Variants in CCDC171 observed in about 807,000 individuals in gnomAD.
The protein encoded by CCDC171 is coiled-coil domain-containing protein 171.
A neutral mutation model predicts 168.2 loss-of-function variants in CCDC171; 177 were observed. The ratio of observed to expected loss-of-function variants is 1.05; its 90% CI spans 0.93 to 1.19. The LOEUF is 1.19. Among genes scored for constraint, CCDC171 ranks in the 50% most tolerant of loss-of-function variants. The pLI is 0.00. For synonymous variants in CCDC171, 687 were observed against 540.8 expected (o/e 1.27, Z -3.75); for missense variants, 1,991 against 1,539.0 (o/e 1.29, Z -4.91).
intron 21 of CCDC171, among the ~76,000 whole-genome samples, chr9:15,800,472 C>T (rs374204310): frequency 2.2e-4 from 34 of 151,832 alleles, no homozygotes; most frequent in African/African-American, 8.0e-4. Context: ...GATTTTTTTC[C>T]TATAGAGTTG....
At chr9:15,902,417 T>C (rs1391705357) in intron 24 of CCDC171, among the ~76,000 whole-genome samples, 4 of 152,210 alleles carry the variant, frequency 2.6e-5, no homozygotes, top group Admixed American at 2.6e-4. Context: ...TTCAGGGAAG[T>C]TGGAAATTTT....
chr9:16,072,954 A>G, the CCDC171 span, among the ~76,000 whole-genome samples: 1 of 152,218 alleles, frequency 6.6e-6, no homozygotes, highest in South Asian at 2.1e-4. Flanking sequence ...TAATTAGTGG[A>G]CAAATAAGAG....
rs112972342 is a variant in CCDC171, at chr9:15,633,398, T to G, written c.822+9985T>G. Among the ~76,000 whole-genome samples, 5 of 152,330 alleles carry G rather than the reference T, an allele frequency of 3.3e-5. 1 individual carries two copies. Among genetic ancestry groups the G allele is most frequent in the African/African-American group, 1.2e-4 (5 of 41,586 alleles). On this transcript the variant is annotated intron_variant, in intron 7 of 25. Transcript: ENST00000380701. ...GACACTTCTGAAAAGTAGACATTTA[T>G]GCAGCCAAAAAAACACATGAAAAAA...
chr9:15,564,179 G>A (rs752967068), intron 2 of CCDC171, 50 bp downstream of exon 2: 17 of 1,385,010 alleles, frequency 1.2e-5, no homozygotes, highest in Middle Eastern at 3.6e-4. Flanking sequence ...TAGTTGCAAG[G>A]AACAGGGAGA....
At chr9:15,873,333 AT>A (rs1216654772) in intron 23 of CCDC171, among the ~76,000 whole-genome samples, 2 of 152,034 alleles carry the variant, frequency 1.3e-5, no homozygotes, top group Non-Finnish European at 2.9e-5. Flanking sequence ...TGGAGGAGAA[AT>A]TTTCTATCTT....
At chr9:15,559,915 A>G (rs1391509617) in intron 1 of CCDC171, among the ~76,000 whole-genome samples, 1 of 152,060 alleles carries the variant, frequency 6.6e-6, no homozygotes, top group Non-Finnish European at 1.5e-5. Context: ...GAGCTCTTGT[A>G]AGGCAGGCCT....
chr9:16,067,545 T>A, the CCDC171 span, among the ~76,000 whole-genome samples: 2 of 152,362 alleles, frequency 1.3e-5, no homozygotes, highest in East Asian at 3.9e-4. Flanking sequence ...CCCATGCCCA[T>A]GTCCTGAATA....
At chr9:16,080,380 T>C in the CCDC171 span, among the ~76,000 whole-genome samples, 2 of 152,244 alleles carry the variant, frequency 1.3e-5, no homozygotes, top group Admixed American at 1.3e-4. Context: ...ATTTGTATTA[T>C]ATTCCAATAT....
chr9:16,067,928 A>G, the CCDC171 span, among the ~76,000 whole-genome samples: 1 of 152,198 alleles, frequency 6.6e-6, no homozygotes, highest in African/African-American at 2.4e-5. Context: ...CTGGCTTAGG[A>G]TTGACATAGT....
At chr9:15,718,869 A>G (rs2053264387) in intron 11 of CCDC171, among the ~76,000 whole-genome samples, 2 of 152,226 alleles carry the variant, frequency 1.3e-5, no homozygotes, top group East Asian at 1.9e-4. Flanking sequence ...ACAGGTACTA[A>G]TAAGTCCAGA....
chr9:15,681,185 A>G (rs2050020303), intron 10 of CCDC171, among the ~76,000 whole-genome samples: 8 of 152,048 alleles, frequency 5.3e-5, no homozygotes, highest in Admixed American at 3.9e-4. Flanking sequence ...ATTAAACACT[A>G]CTGTTTTGAT....
chr9:15,799,135 C>CGTATATAT (rs1219901241), intron 21 of CCDC171, among the ~76,000 whole-genome samples: 7 of 109,022 alleles, frequency 6.4e-5, no homozygotes, highest in African/African-American at 2.4e-4. Flanking sequence ...TCATCATTGC[C>CGTATATAT]ATATATATAT....
chr9:15,948,121 T>C (rs200755787), intron 25 of CCDC171, among the ~76,000 whole-genome samples: 61 of 151,236 alleles, frequency 4.0e-4, no homozygotes, highest in African/African-American at 1.3e-3. Context: ...TGATGATTTC[T>C]AATTTCATCC....
At chr9:16,103,157 A>T in the CCDC171 span, among the ~76,000 whole-genome samples, 1 of 152,188 alleles carries the variant, frequency 6.6e-6, no homozygotes, top group Admixed American at 6.5e-5. Context: ...CCATCCAAAG[A>T]GCTGTGCAAT....
At chr9:15,622,517 T>C (rs371941510) in intron 6 of CCDC171, among the ~76,000 whole-genome samples, 1 of 152,190 alleles carries the variant, frequency 6.6e-6, no homozygotes, top group South Asian at 2.1e-4. Context: ...ATGAATAACA[T>C]TACTGTGGTG....
At chr9:15,987,455 C>T (rs1225430215) in intron 3 of CCDC171, among the ~76,000 whole-genome samples, 4 of 150,178 alleles carry the variant, frequency 2.7e-5, no homozygotes, top group African/African-American at 9.8e-5. Context: ...AATATTGTAA[C>T]AAATGTAAAA....
At chr9:15,644,521 G>C (rs902180406) in intron 7 of CCDC171, among the ~76,000 whole-genome samples, 2 of 152,184 alleles carry the variant, frequency 1.3e-5, no homozygotes, top group Non-Finnish European at 2.9e-5. Context: ...GATGGCACCT[G>C]GAAAATCGGG....
At chr9:16,044,847 A>G (rs2133061527) in intron 1 of CCDC171, among the ~76,000 whole-genome samples, 1 of 152,226 alleles carries the variant, frequency 6.6e-6, no homozygotes, top group African/African-American at 2.4e-5. Flanking sequence ...TCTGGGCTGA[A>G]TCTTCTCCAA....
intron 6 of CCDC171, among the ~76,000 whole-genome samples, chr9:15,601,362 A>AT (rs1172314976): frequency 6.6e-6 from 1 of 152,210 alleles, no homozygotes; most frequent in Non-Finnish European, 1.5e-5. Flanking sequence ...TATTGAAAAT[A>AT]CCAATGAAAC....
Sources: allele counts gnomAD v4.1 joint callset (sites outside exome capture counted in the v4.1 genomes callset), GRCh38; gene constraint gnomAD v4.1.1; transcripts MANE v1.5; gene names NCBI Gene and HGNC (gene_info 2026-07-23, HGNC 2026-07-21).